Variants in NREP observed in about 807,000 individuals in gnomAD.
NREP encodes neuronal regeneration-related protein.
NREP carries 5 observed loss-of-function variants against 8.6 expected under a neutral mutation model. The observed-to-expected ratio is 0.58, with a 90% CI of 0.30 to 1.22. NREP has a LOEUF of 1.22. Ranked by LOEUF, NREP falls within the 50% of genes most tolerant of loss-of-function variation. The pLI is 0.07. For synonymous variants in NREP, 27 were observed against 28.0 expected (o/e 0.96, Z 0.11); for missense variants, 86 against 82.5 (o/e 1.04, Z -0.17).
intron 2 of NREP, chr5:111,738,627 C>A (rs72798065): frequency 0.035 from 5,313 of 151,998 alleles, 104 homozygotes; most frequent in Non-Finnish European, 0.04. Context: ...GCAAGAGAAA[C>A]AGAGTTTCTG....
chr5:111,757,376 G>C, upstream of NREP: 1 of 950,378 alleles, frequency 1.1e-6, no homozygotes, highest in South Asian at 4.8e-5. Context: ...TCATCTCCCT[G>C]CCTCGCGCTC....
intron 2 of NREP, among the ~76,000 whole-genome samples, chr5:111,862,925 G>T (rs994967702): frequency 6.7e-6 from 1 of 150,176 alleles, no homozygotes; most frequent in African/African-American, 2.5e-5. Flanking sequence ...TTGCTGAGGT[G>T]AGCAGGATAC....
chr5:111,868,456 G>A (rs536285863), intron 2 of NREP, among the ~76,000 whole-genome samples: 16 of 152,134 alleles, frequency 1.1e-4, no homozygotes, highest in African/African-American at 3.9e-4. Flanking sequence ...GATTTTTCAC[G>A]GCAAATGGAC....
chr5:111,933,458 C>T (rs1254100476), intron 2 of NREP, among the ~76,000 whole-genome samples: 1 of 152,058 alleles, frequency 6.6e-6, no homozygotes, highest in Non-Finnish European at 1.5e-5. Context: ...AATACTATAA[C>T]AATTGCACCT....
chr5:111,822,168 T>C (rs1051767161), intron 2 of NREP, among the ~76,000 whole-genome samples: 3 of 152,156 alleles, frequency 2.0e-5, no homozygotes, highest in Non-Finnish European at 2.9e-5. Context: ...GTAGGAAATA[T>C]GGAAATCAAG....
At chr5:111,794,822 G>C (rs188561824) in intron 2 of NREP, among the ~76,000 whole-genome samples, 22 of 151,980 alleles carry the variant, frequency 1.4e-4, no homozygotes, top group Admixed American at 1.3e-4. Context: ...TAATGTAAAC[G>C]ATGGCCTTTT....
intron 2 of NREP, 99 bp downstream of exon 2, chr5:111,755,671 A>G: frequency 2.2e-6 from 3 of 1,346,878 alleles, no homozygotes; most frequent in Admixed American, 3.4e-5. Flanking sequence ...GGGGTGTAGA[A>G]CAATGAAGGG....
At chr5:111,756,163 G>C (rs1184224682) in intron 1 of NREP, 3 of 1,049,174 alleles carry the variant, frequency 2.9e-6, no homozygotes, top group Admixed American at 4.8e-5. Flanking sequence ...GCTGCTCTTT[G>C]TTCCCAGACA....
chr5:111,741,824 TACACACACACAC>T (rs112980817), intron 2 of NREP, among the ~76,000 whole-genome samples: 17 of 73,438 alleles, frequency 2.3e-4, no homozygotes, highest in Non-Finnish European at 3.5e-4. Flanking sequence ...AACACACACA[TACACACACACAC>T]ACACACACAC....
rs34538408 is a variant in NREP at position 111,770,554 on chromosome 5, CTTTTTTTTTTTTTT to C, written c.136-35061_136-35048del. Among the ~76,000 whole-genome samples the C allele has an allele frequency of 1.2e-3, 88 of 73,636 alleles. 1 individual carries two copies. In the South Asian group the frequency reaches 0.041, roughly 34 times the overall value. 48.3% of individuals were successfully genotyped at this position (73,636 alleles called of 152,430 possible). ...TTATTTGGTAAAGAAGAATTATTTC[CTTTTTTTTTTTTTT>C]TTTTTTTTTTTTTTTTGAGACAGAG... On this transcript the variant is annotated intron_variant, in intron 2 of 3. Coordinates refer to the NREP transcript ENST00000395634.
chr5:111,769,663 G>T (rs1301492202), intron 2 of NREP, among the ~76,000 whole-genome samples: 2 of 152,224 alleles, frequency 1.3e-5, no homozygotes, highest in South Asian at 2.1e-4. Context: ...GCATGGCTGG[G>T]AGGCCTCAGA....
chr5:111,758,980 C>A (rs552941662), upstream of NREP, among the ~76,000 whole-genome samples: 1 of 152,216 alleles, frequency 6.6e-6, no homozygotes, highest in African/African-American at 2.4e-5. Context: ...AATTTTCCTG[C>A]AAAAATAAGA....
At chr5:111,743,824 A>G (rs1383227034) in intron 2 of NREP, among the ~76,000 whole-genome samples, 1 of 152,138 alleles carries the variant, frequency 6.6e-6, no homozygotes, top group Non-Finnish European at 1.5e-5. Flanking sequence ...AAATAACTAT[A>G]TGAAGTTTAA....
intron 2 of NREP, among the ~76,000 whole-genome samples, chr5:111,948,118 G>T (rs1039041401): frequency 6.6e-6 from 1 of 151,970 alleles, no homozygotes; most frequent in Non-Finnish European, 1.5e-5. Flanking sequence ...TGTTGAAAGA[G>T]GTAGGAAACT....
chr5:111,755,930 T>C (rs1750675908), intron 1 of NREP, 100 bp from the exon 2 acceptor site: 1 of 1,535,162 alleles, frequency 6.5e-7, no homozygotes, highest in East Asian at 2.3e-5. Context: ...CCATTTTCTG[T>C]GGTTAAGATA....
chr5:111,802,767 G>C (rs1002325816), intron 2 of NREP, among the ~76,000 whole-genome samples: 1 of 152,158 alleles, frequency 6.6e-6, no homozygotes, highest in Admixed American at 6.6e-5. Flanking sequence ...TTTACAAAAT[G>C]TATGTGGAAA....
chr5:111,746,728 C>A (rs1025750797), intron 2 of NREP, among the ~76,000 whole-genome samples: 2 of 152,110 alleles, frequency 1.3e-5, no homozygotes, highest in African/African-American at 4.8e-5. Context: ...AAAGAAAATA[C>A]TTTTACAAAA....
At chr5:111,931,817 T>C (rs1755545428) in intron 2 of NREP, among the ~76,000 whole-genome samples, 1 of 152,132 alleles carries the variant, frequency 6.6e-6, no homozygotes, top group African/African-American at 2.4e-5. Flanking sequence ...CTCTCTTTTT[T>C]TGAAAGATTG....
At chr5:111,765,404 A>C (rs1278509437) in intron 2 of NREP, among the ~76,000 whole-genome samples, 1 of 152,202 alleles carries the variant, frequency 6.6e-6, no homozygotes, top group Non-Finnish European at 1.5e-5. Context: ...AATCATGACT[A>C]GACTGCATAA....
Sources: allele counts gnomAD v4.1 joint callset (sites outside exome capture counted in the v4.1 genomes callset), GRCh38; gene constraint gnomAD v4.1.1; transcripts MANE v1.5; gene names NCBI Gene and HGNC (gene_info 2026-07-23, HGNC 2026-07-21).